The following DOCK1 variants were observed in gnomAD, a reference collection of about 807,000 sequenced individuals.
DOCK1 encodes the protein dedicator of cytokinesis 1, also known as dedicator of cytokinesis protein 1.
A neutral mutation model predicts 262.7 loss-of-function variants in DOCK1; 138 were observed. The observed-to-expected ratio is 0.53, with a 90% CI of 0.46 to 0.61. The LOEUF (loss-of-function observed/expected upper bound fraction) is 0.61. Ranked by LOEUF, DOCK1 falls within the 20% of genes least tolerant of loss-of-function variation. The pLI, the probability that DOCK1 is intolerant of heterozygous loss-of-function variation, is 0.00. For missense variants in DOCK1, 1,908 were observed against 2,370.7 expected, an observed-to-expected ratio of 0.80 and a Z score of 4.05; for synonymous variants, 866 against 867.4, an observed-to-expected ratio of 1.00 and a Z score of 0.03.
intron 33 of DOCK1, among the ~76,000 whole-genome samples, chr10:127,367,246 G>A (rs11594969): frequency 0.35 from 53,400 of 152,044 alleles, 9,429 homozygotes; most frequent in Middle Eastern, 0.45. Flanking sequence ...TCATTAGAAC[G>A]TTCTTTCCCT....
intron 22 of DOCK1, among the ~76,000 whole-genome samples, chr10:127,053,230 T>C (rs911906864): frequency 1.3e-5 from 2 of 152,092 alleles, no homozygotes; most frequent in South Asian, 4.1e-4. Flanking sequence ...TAATCCCAGC[T>C]ACTTGGGAGG....
At chr10:127,059,405 C>T (rs1382663772) in intron 22 of DOCK1, among the ~76,000 whole-genome samples, 2 of 152,068 alleles carry the variant, frequency 1.3e-5, no homozygotes, top group Non-Finnish European at 2.9e-5. Context: ...TCATTATCTT[C>T]CTCCTTTTCT....
At chr10:127,415,384 T>A (rs1474769805) in intron 44 of DOCK1, 146 bp downstream of exon 44, 3 of 692,124 alleles carry the variant, frequency 4.3e-6, no homozygotes, top group Non-Finnish European at 7.3e-6. Flanking sequence ...CCCCACCTGT[T>A]CTTGAGAGCA....
chr10:127,368,288 A>T (rs1360896107), intron 33 of DOCK1, among the ~76,000 whole-genome samples: 2 of 152,186 alleles, frequency 1.3e-5, no homozygotes, highest in Admixed American at 6.5e-5. Context: ...TGGGTGCTCC[A>T]GCTGTCTGTG....
At chr10:127,342,077 TTGCTGTTGCTGTTGTTGTTGCTGC>T (rs1011813880) in intron 30 of DOCK1, among the ~76,000 whole-genome samples, 7 of 147,624 alleles carry the variant, frequency 4.7e-5, no homozygotes, top group Admixed American at 3.3e-4. Flanking sequence ...GCTGCTGCTG[TTGCTGTTGCTGTTGTTGTTGCTGC>T]TGCTGCTGCT....
chr10:127,290,698 G>A (rs960834238), intron 29 of DOCK1, among the ~76,000 whole-genome samples: 8 of 152,118 alleles, frequency 5.3e-5, no homozygotes, highest in African/African-American at 1.4e-4. Context: ...TTTTGAGACT[G>A]GCTTCTTTTC....
intron 15 of DOCK1, 111 bp from the exon 16 acceptor site, chr10:127,026,241 C>T: frequency 9.5e-7 from 1 of 1,047,664 alleles, no homozygotes; most frequent in African/African-American, 1.6e-5. Flanking sequence ...AGTATTTTCA[C>T]CACTGCAGTT....
At chr10:127,384,590 G>A (rs1418204410) in intron 37 of DOCK1, among the ~76,000 whole-genome samples, 200 bp from the exon 38 acceptor site, 1 of 152,200 alleles carries the variant, frequency 6.6e-6, no homozygotes, top group Non-Finnish European at 1.5e-5. Flanking sequence ...CCCCACTGCA[G>A]CTATGCCTCC....
chr10:126,983,458 T>C (rs1007567029), intron 4 of DOCK1, among the ~76,000 whole-genome samples: 9 of 152,194 alleles, frequency 5.9e-5, no homozygotes, highest in African/African-American at 2.2e-4. Flanking sequence ...AAGTTTATTG[T>C]CCTGTCTCTC....
intron 27 of DOCK1, among the ~76,000 whole-genome samples, chr10:127,201,991 T>A (rs1234252088): frequency 6.6e-6 from 1 of 152,126 alleles, no homozygotes; most frequent in African/African-American, 2.4e-5. Flanking sequence ...ATAAAGTGGC[T>A]GACATGCCCA....
chr10:127,247,982 A>G lies in DOCK1; in HGVS notation c.2848-26A>G, dbSNP rs746836429. On this transcript the variant is annotated intron_variant, in intron 27 of 51. Coordinates refer to ENST00000623213, the MANE Select transcript of DOCK1 (RefSeq NM_001290223.2). ...CCATGAGTGTTGCTCTGTCTCATCT[A>G]ATTCTATCTTTTGATTCATTTACAG... is the stretch of plus-strand genomic sequence containing the variant. 3.1e-6 allele frequency: 5 copies of G among 1,606,428 alleles called. No individual in the cohort carries two copies. In the South Asian group the frequency reaches 5.5e-5, roughly 18 times the overall value.
At chr10:127,394,743 G>A (rs554027042) in intron 38 of DOCK1, among the ~76,000 whole-genome samples, 2 of 152,242 alleles carry the variant, frequency 1.3e-5, no homozygotes, top group Admixed American at 6.5e-5. Context: ...AGCTTATGTG[G>A]GATCACTAAC....
chr10:127,419,687 C>G lies in DOCK1; in HGVS notation c.4714C>G (p.Leu1572Val), dbSNP rs2068380055. The stretch of plus-strand genomic sequence containing the variant: ...CCAGGCCTTCTTTACAGACCGGTAC[C>G]TGCAGGAGCACCCTGAGGCCCATGA... ...YEKAFFTDRY[L>V]QEHPEAHEKI... is the part of the protein sequence containing the mutation. The change falls in exon 46 of 52, where the codon CTG becomes GTG. Residue 1572 changes from leucine to valine, a missense_variant. Physicochemically the swap from Leu to Val is conservative, Grantham distance 32. Transcript: ENST00000623213. 1.1e-5 allele frequency: 18 copies of G among 1,605,872 alleles called. No individual in the cohort carries two copies. Among genetic ancestry groups the G allele is most frequent in the Non-Finnish European group, 1.4e-5 (17 of 1,176,028 alleles).
intron 1 of DOCK1, among the ~76,000 whole-genome samples, chr10:126,928,341 C>T (rs939281300): frequency 6.6e-6 from 1 of 152,340 alleles, no homozygotes; most frequent in African/African-American, 2.4e-5. Flanking sequence ...CCAGGCCCTG[C>T]CCCCAGGGAC....
At chr10:127,151,579 G>C (rs2052488542) in intron 27 of DOCK1, among the ~76,000 whole-genome samples, 1 of 152,146 alleles carries the variant, frequency 6.6e-6, no homozygotes, top group Non-Finnish European at 1.5e-5. Context: ...CGGGTCTGCA[G>C]GCTACCGAGG....
chr10:127,265,254 ATTG>A (rs2060312832), intron 29 of DOCK1, among the ~76,000 whole-genome samples: 6 of 152,130 alleles, frequency 3.9e-5, no homozygotes, highest in Admixed American at 3.9e-4. Context: ...GTCAAAAACT[ATTG>A]TTTGGTTTTG....
At chr10:127,110,137 C>T (rs1445818060) in intron 24 of DOCK1, 111 bp from the exon 25 acceptor site, 2 of 830,292 alleles carry the variant, frequency 2.4e-6, no homozygotes, top group South Asian at 1.6e-5. Context: ...CTGTGTTGAA[C>T]ATACTGGTGA....
At chr10:127,077,113 G>A (rs545470942) in intron 23 of DOCK1, among the ~76,000 whole-genome samples, 4 of 152,258 alleles carry the variant, frequency 2.6e-5, no homozygotes, top group East Asian at 3.9e-4. Flanking sequence ...TTACTACGAG[G>A]GCCGAGCGCG....
At chr10:127,064,912 C>T (rs910744441) in intron 23 of DOCK1, among the ~76,000 whole-genome samples, 1 of 152,208 alleles carries the variant, frequency 6.6e-6, no homozygotes, top group Non-Finnish European at 1.5e-5. Flanking sequence ...TCCCTGCAGC[C>T]CCTGGCAGCC....
Sources: allele counts gnomAD v4.1 joint callset (sites outside exome capture counted in the v4.1 genomes callset), GRCh38; gene constraint gnomAD v4.1.1; transcripts MANE v1.5; gene names NCBI Gene and HGNC (gene_info 2026-07-23, HGNC 2026-07-21).